Variants in HTRA4 observed in about 807,000 individuals in gnomAD.
HTRA4 encodes the protein serine protease HTRA4.
HTRA4 carries 46 observed loss-of-function variants against 49.1 expected under a neutral mutation model. The ratio of observed to expected loss-of-function variants is 0.94; its 90% CI spans 0.74 to 1.20. The LOEUF (loss-of-function observed/expected upper bound fraction) is 1.20, where lower values mean the gene tolerates loss of function less well. Ranked by LOEUF, HTRA4 falls within the 50% of genes most tolerant of loss-of-function variation. HTRA4 has a pLI of 0.00. For synonymous variants in HTRA4, 261 were observed against 264.0 expected, an observed-to-expected ratio of 0.99 and a Z score of 0.11; for missense variants, 602 against 636.9, an observed-to-expected ratio of 0.95 and a Z score of 0.59.
chr8:38,984,825 C>T (rs760474196), intron 8 of HTRA4, among the ~76,000 whole-genome samples: 1 of 151,896 alleles, frequency 6.6e-6, no homozygotes, highest in Non-Finnish European at 1.5e-5. Flanking sequence ...TTGGGGAGGT[C>T]GAGATGGGAG....
intron 8 of HTRA4, among the ~76,000 whole-genome samples, chr8:38,983,751 G>A (rs1835452854): frequency 6.6e-6 from 1 of 151,900 alleles, no homozygotes. Flanking sequence ...AATTATGTAT[G>A]TGGCTTGCAT....
chr8:38,976,722 A>T lies in HTRA4; in HGVS notation c.754A>T (p.Ile252Phe). Residue 252 changes from isoleucine (I) to phenylalanine (F), a missense_variant, in exon 3 of 9, where the codon ATT becomes TTT. Transcript: ENST00000302495. ...TGACCTTAAATTGGATCTTGCGGTG[A>T]TTAAGATTGAATCAAATGTGAGTAT... The part of the protein sequence containing the change: ...DIDLKLDLAV[I>F]KIESNAELPV... 1 of 1,614,176 alleles carries T rather than the reference A, an allele frequency of 6.2e-7. No homozygotes were observed. Among genetic ancestry groups the T allele is most frequent in the Non-Finnish European group, 8.5e-7 (1 of 1,180,018 alleles).
In HTRA4 at chr8:38,974,554, G is replaced by A; in HGVS notation, c.291G>A (p.Pro97=). The A allele has an allele frequency of 1.4e-6, 2 of 1,402,156 alleles. No individual in the cohort carries two copies. The highest frequency in any genetic ancestry group is 1.8e-6 in the Non-Finnish European group (2 of 1,087,116). The allele number at this position is 1,402,156 out of a possible 1,614,324, so 86.9% of individuals were successfully genotyped here. A position where few individuals can be genotyped will look rare whatever the true frequency, so the allele number is the denominator to read the frequency against. The change falls in exon 1 of 9, where the codon CCG becomes CCA. Residue 97 remains proline, a synonymous_variant. Transcript: ENST00000302495. ...CCCCGGGGCTGCAGTGCCTCCAGCC[G>A]CTGCGCCCCGGGTTCCCCAGCACCT... is the stretch of plus-strand genomic sequence containing the variant. ...PCAPGLQCLQ[P]LRPGFPSTCG...
At chr8:38,987,213 C>T (rs931880710) in intron 8 of HTRA4, among the ~76,000 whole-genome samples, 1 of 152,124 alleles carries the variant, frequency 6.6e-6, no homozygotes, top group Non-Finnish European at 1.5e-5. Flanking sequence ...CCTTTTTCAG[C>T]CTATTTTCAC....
In HTRA4 at chr8:38,974,366, C is replaced by T; in HGVS notation, c.103C>T (p.His35Tyr). ...CCTCTGGGCCGGGGCTGAAAAGCTACATACCCAGCCCTCCTGCCCCGCGGT... is the reference window on the plus strand; with the variant it reads ...CCTCTGGGCCGGGGCTGAAAAGCTATATACCCAGCCCTCCTGCCCCGCGGT... The part of the protein sequence containing the change: ...PVLWAGAEKL[H>Y]TQPSCPAVCQ... The change falls in exon 1 of 9, where the codon CAT (histidine) becomes TAT (tyrosine). Residue 35 changes from histidine (H) to tyrosine (Y), a missense_variant. Transcript: ENST00000302495. 1 of 1,601,854 alleles carries T rather than the reference C, an allele frequency of 6.2e-7. No individual in the cohort carries two copies. The highest frequency in any genetic ancestry group is 8.5e-7 in the Non-Finnish European group (1 of 1,175,098).
intron 3 of HTRA4, among the ~76,000 whole-genome samples, 189 bp downstream of exon 3, chr8:38,976,928 C>T (rs1444685156): frequency 2.6e-5 from 4 of 151,582 alleles, no homozygotes; most frequent in Non-Finnish European, 5.9e-5. Flanking sequence ...TATCCCTAAC[C>T]GTTTCTTTCT....
rs1355244504 is a variant in HTRA4, at chr8:38,974,566, G to A, written c.303G>A (p.Gly101=). ...AGTGCCTCCAGCCGCTGCGCCCCGG[G>A]TTCCCCAGCACCTGCGGTTGCCCGA... ...GLQCLQPLRP[G]FPSTCGCPTL... is the part of the protein sequence containing the mutation. The change falls in exon 1 of 9, where the codon GGG becomes GGA. Residue 101 remains glycine (G), a synonymous_variant. Coordinates refer to ENST00000302495, the MANE Select transcript of HTRA4 (RefSeq NM_153692.4). The A allele has an allele frequency of 5.0e-6, 7 of 1,412,796 alleles. No homozygotes were observed. Among genetic ancestry groups the A allele is most frequent in the South Asian group, 1.5e-5 (1 of 66,400 alleles). The allele number at this position is 1,412,796 out of a possible 1,614,324, so 87.5% of individuals were successfully genotyped here.
Position 38,981,645 on chromosome 8 carries a change from C to A in HTRA4, c.1000-8C>A. 2 of 1,607,036 alleles carry A rather than the reference C, an allele frequency of 1.2e-6. 1 individual carries two copies. Among genetic ancestry groups the A allele is most frequent in the South Asian group, 2.2e-5 (2 of 90,842 alleles). Reference sequence around the variant, plus strand: ...TTCATGACTGAATGATGTCCCCTCCCTTGCCAGGATGGTGATGTGATTGGC... The same window carrying A: ...TTCATGACTGAATGATGTCCCCTCCATTGCCAGGATGGTGATGTGATTGGC... On this transcript the variant is annotated splice_polypyrimidine_tract_variant and splice_region_variant and intron_variant, in intron 5 of 8. Transcript: ENST00000302495.
chr8:38,981,077 T>TTTTGTTTTTTTTTG (rs1835415107), intron 5 of HTRA4, among the ~76,000 whole-genome samples: 1 of 105,168 alleles, frequency 9.5e-6, no homozygotes, highest in South Asian at 3.0e-4. Context: ...TTTTTTTTTT[T>TTTTGTTTTTTTTTG]TTTTTTTTTT....
chr8:38,975,261 A>G (rs1835335456), intron 2 of HTRA4, 131 bp downstream of exon 2: 2 of 889,270 alleles, frequency 2.2e-6, no homozygotes. Flanking sequence ...AAGAGGTTGA[A>G]TAACCTGTTC....
At chr8:38,980,015 A>G (rs7840746) in intron 5 of HTRA4, among the ~76,000 whole-genome samples, 116,101 of 152,114 alleles carry the variant, frequency 0.76, 44,585 homozygotes, top group East Asian at 0.95. Context: ...CACAACCAGC[A>G]CTCCTGACTT....
intron 1 of HTRA4, 118 bp from the exon 2 acceptor site, chr8:38,974,913 C>T: frequency 7.8e-7 from 1 of 1,286,254 alleles, no homozygotes; most frequent in Non-Finnish European, 1.1e-6. Flanking sequence ...CCGGCTGCTA[C>T]GTGGTTTCTC....
chr8:38,981,080 T>G (rs868181615), intron 5 of HTRA4, among the ~76,000 whole-genome samples: 3 of 129,134 alleles, frequency 2.3e-5, no homozygotes, highest in South Asian at 2.8e-4. Flanking sequence ...TTTTTTTTTT[T>G]TTTTTTTTTT....
At chr8:38,979,062 A>G (rs773521959) in intron 4 of HTRA4, among the ~76,000 whole-genome samples, 153 bp from the exon 5 acceptor site, 1 of 150,526 alleles carries the variant, frequency 6.6e-6, no homozygotes, top group Non-Finnish European at 1.5e-5. Context: ...TGACTTTGGT[A>G]TTGGTGATGA....
intron 2 of HTRA4, among the ~76,000 whole-genome samples, chr8:38,975,687 G>A (rs1245734009): frequency 6.6e-6 from 1 of 152,176 alleles, no homozygotes; most frequent in Non-Finnish European, 1.5e-5. Context: ...GGGATTACGG[G>A]TGTAGCCACC....
rs1034347544 is a variant in HTRA4, at chr8:38,981,075, T to G, written c.1000-578T>G. 4.7e-4 allele frequency among the ~76,000 whole-genome samples: 48 copies of G among 102,190 alleles called. 1 individual carries two copies. Among genetic ancestry groups the G allele is most frequent in the Non-Finnish European group, 6.4e-4 (35 of 54,970 alleles). 67.0% of individuals were successfully genotyped at this position (102,190 alleles called of 152,430 possible). On this transcript the variant is annotated intron_variant, in intron 5 of 8. Transcript: ENST00000302495. ...AAAATGAGCTTAAGTTTTTTTTTTT[T>G]TTTTTTTTTTTTTTTTTTTTTTGAG...
chr8:38,987,542 T>G (rs911745780), intron 8 of HTRA4, among the ~76,000 whole-genome samples: 5 of 152,020 alleles, frequency 3.3e-5, no homozygotes, highest in African/African-American at 1.2e-4. Flanking sequence ...CGAGTTTAAG[T>G]GTCTGGGAGA....
chr8:38,984,253 G>A (rs986557768), intron 8 of HTRA4, among the ~76,000 whole-genome samples: 18 of 151,082 alleles, frequency 1.2e-4, no homozygotes, highest in Middle Eastern at 3.4e-3. Context: ...CACCCACCTC[G>A]GCCTCCCACA....
chr8:38,976,585 T>G lies in HTRA4; in HGVS notation c.617T>G (p.Ile206Arg). 1 of 1,614,154 alleles carries G rather than the reference T, an allele frequency of 6.2e-7. No homozygotes were observed. The highest frequency in any genetic ancestry group is 8.5e-7 in the Non-Finnish European group (1 of 1,180,030). Residue 206 changes from isoleucine to arginine, a missense_variant, in exon 3 of 9, where the codon ATA becomes AGA. By Grantham distance (97) the Ile-to-Arg change is moderately conservative. Transcript: ENST00000302495. The stretch of plus-strand genomic sequence containing the variant: ...CCTGTGTACAGTGGCTCTGGGTTCA[T>G]AGTGTCTGAGGACGGGCTCATTATT... ...LVPVYSGSGF[I>R]VSEDGLIITN...
Sources: allele counts gnomAD v4.1 joint callset (sites outside exome capture counted in the v4.1 genomes callset), GRCh38; gene constraint gnomAD v4.1.1; transcripts MANE v1.5; gene names NCBI Gene and HGNC (gene_info 2026-07-23, HGNC 2026-07-21).